The following OR4K1 variants were observed in gnomAD, a reference collection of about 807,000 sequenced individuals.
OR4K1 encodes the protein olfactory receptor family 4 subfamily K member 1, also known as olfactory receptor 4K1.
Under a neutral mutation model 14.4 loss-of-function variants are expected in OR4K1, and 16 were observed. The ratio of observed to expected loss-of-function variants is 1.11; its 90% CI spans 0.75 to 1.68. The LOEUF is 1.68. OR4K1 is among the 40% of genes most tolerant of loss of function. The pLI is 0.00. For missense variants in OR4K1, 548 were observed against 376.9 expected (o/e 1.45, Z -3.76); for synonymous variants, 181 against 133.1 (o/e 1.36, Z -2.48).
upstream of OR4K1, among the ~76,000 whole-genome samples, chr14:19,927,853 C>G (rs1407014608): frequency 6.6e-6 from 1 of 152,190 alleles, no homozygotes; most frequent in East Asian, 1.9e-4. Flanking sequence ...GAGTGTTTGA[C>G]ATATGGATAT....
chr14:19,920,701 CTG>C, the OR4K1 span: 2 of 1,613,964 alleles, frequency 1.2e-6, no homozygotes, highest in East Asian at 4.5e-5. Flanking sequence ...TGTTTCTTCT[CTG>C]TGTTGTATAC....
At chr14:19,924,207 C>T in the OR4K1 span, among the ~76,000 whole-genome samples, 1 of 152,086 alleles carries the variant, frequency 6.6e-6, no homozygotes, top group Non-Finnish European at 1.5e-5. Context: ...TCAAGACCAG[C>T]CTGACCAACA....
the OR4K1 span, among the ~76,000 whole-genome samples, chr14:19,925,074 C>A: frequency 2.6e-5 from 4 of 151,660 alleles, no homozygotes; most frequent in African/African-American, 9.7e-5. Flanking sequence ...TTTTTTTCCT[C>A]TGGTTTACAG....
chr14:19,935,535 CTAAT>C, intron 1 of OR4K1, 109 bp from the exon 2 acceptor site: 4 of 837,604 alleles, frequency 4.8e-6, no homozygotes, highest in Non-Finnish European at 7.4e-6. Context: ...TATATGTAAC[CTAAT>C]TAAATTGACT....
chr14:19,930,284 T>C (rs1374260533), upstream of OR4K1, among the ~76,000 whole-genome samples: 1 of 152,182 alleles, frequency 6.6e-6, no homozygotes, highest in East Asian at 1.9e-4. Flanking sequence ...CACTAAGTAA[T>C]AGGGAATCTT....
In OR4K1 at chr14:19,935,875, A is replaced by T. The variant is rs750086740; in HGVS notation, c.209A>T (p.Asp70Val). 25 of 1,614,100 alleles carry T rather than the reference A, an allele frequency of 1.5e-5. No homozygotes were observed. In the African/African-American group the frequency reaches 3.2e-4, roughly 21 times the overall value. The change falls in exon 2 of 2, where the codon GAT becomes GTT. Residue 70 changes from aspartate to valine, a missense_variant. By Grantham distance (152) the Asp-to-Val change is radical. Transcript: ENST00000641172. The part of the protein sequence containing the change: ...YFLLSNLSFI[D>V]ICQSNFATPK... The stretch of plus-strand genomic sequence containing the variant: ...TTGCTCAGTAATCTTTCTTTCATTG[A>T]TATCTGTCAGTCTAACTTTGCCACC...
rs140036244 is a variant in OR4K1 at position 19,936,171 on chromosome 14, T to G, written c.505T>G (p.Cys169Gly). Reference protein sequence around the residue: ...HLAFTVDLPFCGPNEVDSFFC... With the variant: ...HLAFTVDLPFGGPNEVDSFFC... ...GGCTTTTACAGTGGACCTGCCATTC[T>G]GTGGTCCCAATGAGGTGGATAGCTT... is the stretch of plus-strand genomic sequence containing the variant. The change falls in exon 2 of 2, where the codon TGT becomes GGT. Residue 169 changes from cysteine (C) to glycine (G), a missense_variant. Transcript: ENST00000641172. 5.6e-5 allele frequency: 90 copies of G among 1,614,268 alleles called. No individual in the cohort carries two copies. In the Admixed American group the frequency reaches 6.5e-4, roughly 12 times the overall value.
At chr14:19,929,424 G>GAGAGAC (rs138014902), upstream of OR4K1, among the ~76,000 whole-genome samples, 9,018 of 149,422 alleles carry the variant, frequency 0.06, 503 homozygotes, top group East Asian at 0.47. Flanking sequence ...GGGAGAGAGA[G>GAGAGAC]AGAGACAGAG....
rs906339891 is a variant in OR4K1, at chr14:19,936,057, C to T, written c.391C>T (p.His131Tyr). The T allele has an allele frequency of 1.1e-5, 17 of 1,614,128 alleles. No individual in the cohort carries two copies. The African/African-American group carries it at 1.7e-4, about 16-fold the overall frequency. The change falls in exon 2 of 2, where the codon CAC (histidine) becomes TAC (tyrosine). Residue 131 changes from histidine (H) to tyrosine (Y), a missense_variant. Transcript: ENST00000641172. ...DRFIAICKPL[H>Y]YSTIMNRRLC... Reference sequence around the variant, plus strand: ...ATTTATAGCCATATGTAAGCCTCTGCACTACAGTACAATTATGAACCGGAG... The same window carrying T: ...ATTTATAGCCATATGTAAGCCTCTGTACTACAGTACAATTATGAACCGGAG...
upstream of OR4K1, among the ~76,000 whole-genome samples, chr14:19,929,572 T>A (rs1052693198): frequency 6.6e-6 from 1 of 152,176 alleles, no homozygotes; most frequent in African/African-American, 2.4e-5. Flanking sequence ...CTTTGTAGGC[T>A]ATTTTAATAA....
chr14:19,923,936 A>G, the OR4K1 span, among the ~76,000 whole-genome samples: 1 of 152,186 alleles, frequency 6.6e-6, no homozygotes, highest in Admixed American at 6.5e-5. Context: ...TCCTGACTAG[A>G]CTCTGACAGA....
At chr14:19,921,606 CA>C in the OR4K1 span, 1 of 1,576,480 alleles carries the variant, frequency 6.3e-7, no homozygotes, top group African/African-American at 1.4e-5. Flanking sequence ...TTCCTCAGGT[CA>C]ATACACTGTT....
chr14:19,924,023 G>A, the OR4K1 span, among the ~76,000 whole-genome samples: 15 of 152,308 alleles, frequency 9.8e-5, no homozygotes, highest in African/African-American at 3.1e-4. Context: ...AGAGAAATCA[G>A]GAGCCAGTTG....
chr14:19,935,550 ATTTCT>A (rs2138597063), intron 1 of OR4K1, 93 bp from the exon 2 acceptor site: 1 of 952,438 alleles, frequency 1.0e-6, no homozygotes, highest in East Asian at 2.4e-5. Flanking sequence ...TAAATTGACT[ATTTCT>A]TTTGTTTAGA....
At position 19,936,037 on chromosome 14, in the gene OR4K1, T is replaced by C. The variant is rs747034933; in HGVS notation, c.371T>C (p.Ile124Thr). The change falls in exon 2 of 2, where the codon ATA becomes ACA. Residue 124 changes from isoleucine to threonine, a missense_variant. Physicochemically the swap from Ile to Thr is moderately conservative, Grantham distance 89 (BLOSUM62 -1). Transcript: ENST00000641172. The stretch of plus-strand genomic sequence containing the variant: ...GTAGCTATGGCATATGACAGATTTA[T>C]AGCCATATGTAAGCCTCTGCACTAC... ...LLVAMAYDRFIAICKPLHYST... is the reference protein window; with the variant it reads ...LLVAMAYDRFTAICKPLHYST... 37 of 1,614,084 alleles carry C rather than the reference T, an allele frequency of 2.3e-5. No homozygotes were observed. Among genetic ancestry groups the C allele is most frequent in the Admixed American group, 8.3e-5 (5 of 60,010 alleles).
the OR4K1 span, among the ~76,000 whole-genome samples, chr14:19,924,550 T>A: frequency 2.0e-5 from 3 of 152,338 alleles, no homozygotes; most frequent in Non-Finnish European, 4.4e-5. Context: ...TTGCATTAGA[T>A]GCTGGTGAAA....
the OR4K1 span, among the ~76,000 whole-genome samples, chr14:19,920,377 A>G: frequency 1.3e-5 from 2 of 152,206 alleles, no homozygotes; most frequent in Non-Finnish European, 2.9e-5. Context: ...TTCTAATTAT[A>G]CTGATTAAAT....
chr14:19,926,331 ACT>A (rs980733370), upstream of OR4K1, among the ~76,000 whole-genome samples: 17 of 152,288 alleles, frequency 1.1e-4, no homozygotes, highest in African/African-American at 4.1e-4. Flanking sequence ...AAACTCTTTT[ACT>A]CTCTGTCATA....
chr14:19,928,290 T>TTTTA (rs1216877587), upstream of OR4K1, among the ~76,000 whole-genome samples: 19 of 152,230 alleles, frequency 1.2e-4, no homozygotes, highest in Middle Eastern at 3.4e-3. Flanking sequence ...TATTTATTTA[T>TTTTA]TTTATTTATT....
Sources: gnomAD v4.1 joint callset for allele counts (sites outside exome capture counted in the v4.1 genomes callset) on GRCh38, gnomAD v4.1.1 for gene constraint, MANE v1.5 for transcripts, NCBI Gene and HGNC (gene_info 2026-07-23, HGNC 2026-07-21) for gene names.